COL22A1: variants seen among roughly 807,000 people sequenced by gnomAD.
The protein encoded by COL22A1 is collagen type XXII alpha 1 chain, also known as collagen alpha-1(XXII) chain.
Under a neutral mutation model 248.9 loss-of-function variants are expected in COL22A1, and 221 were observed. The observed-to-expected ratio is 0.89, with a 90% CI of 0.80 to 0.99. The LOEUF is 0.99. Among genes scored for constraint, COL22A1 ranks in the 50% least tolerant of loss-of-function variants. COL22A1 has a pLI of 0.00. For missense variants in COL22A1, 2,240 were observed against 2,179.0 expected, an observed-to-expected ratio of 1.03 and a Z score of -0.56; for synonymous variants, 891 against 793.4, an observed-to-expected ratio of 1.12 and a Z score of -2.07.
intron 7 of COL22A1, among the ~76,000 whole-genome samples, chr8:138,816,917 G>C (rs1393162924): frequency 2.6e-5 from 4 of 152,186 alleles, no homozygotes; most frequent in African/African-American, 9.7e-5. Flanking sequence ...TACCCCCATG[G>C]ACACTCTTCA....
intron 3 of COL22A1, among the ~76,000 whole-genome samples, chr8:138,868,181 T>C (rs1265280069): frequency 6.6e-6 from 1 of 152,206 alleles, no homozygotes; most frequent in Admixed American, 6.5e-5. Context: ...AAGATGATGT[T>C]ATGCAGTCAT....
intron 11 of COL22A1, among the ~76,000 whole-genome samples, chr8:138,797,777 C>T (rs1816676779): frequency 1.3e-5 from 2 of 152,132 alleles, no homozygotes. Context: ...AAGTCTCTAA[C>T]TATTGTTGAT....
chr8:138,764,926 A>C (rs1194819546), intron 16 of COL22A1, among the ~76,000 whole-genome samples: 1 of 152,252 alleles, frequency 6.6e-6, no homozygotes, highest in Non-Finnish European at 1.5e-5. Context: ...ACTGCACTCC[A>C]GCCTGGGCGA....
chr8:138,901,206 G>A (rs556645382), intron 1 of COL22A1, among the ~76,000 whole-genome samples: 1 of 151,800 alleles, frequency 6.6e-6, no homozygotes, highest in South Asian at 2.1e-4. Context: ...CTCTTAGTTG[G>A]GGGACACTTG....
intron 7 of COL22A1, among the ~76,000 whole-genome samples, chr8:138,818,904 A>G (rs1390973137): frequency 6.6e-6 from 1 of 152,224 alleles, no homozygotes; most frequent in South Asian, 2.1e-4. Context: ...AGATTAAACA[A>G]TCTAACAGAT....
At chr8:138,741,787 T>C (rs1831579407) in intron 22 of COL22A1, among the ~76,000 whole-genome samples, 1 of 152,230 alleles carries the variant, frequency 6.6e-6, no homozygotes. Context: ...TACTTAGTAA[T>C]AGTGGTTATG....
At chr8:138,827,531 T>C (rs1013266286) in intron 5 of COL22A1, among the ~76,000 whole-genome samples, 15 of 152,102 alleles carry the variant, frequency 9.9e-5, no homozygotes, top group African/African-American at 3.6e-4. Context: ...CAGAATAGAC[T>C]GGGATGTAGC....
intron 7 of COL22A1, among the ~76,000 whole-genome samples, chr8:138,813,778 G>A (rs1157171473): frequency 2.0e-5 from 3 of 152,166 alleles, no homozygotes; most frequent in Admixed American, 6.5e-5. Context: ...CCTCCGCTCC[G>A]CACACAGAGG....
chr8:138,692,463 A>G (rs868108065), intron 35 of COL22A1, among the ~76,000 whole-genome samples: 61 of 136,118 alleles, frequency 4.5e-4, no homozygotes, highest in African/African-American at 1.0e-3. Flanking sequence ...GTGTGAGTGC[A>G]TGTGTGTGTG....
chr8:138,844,691 C>T (rs1586874771), intron 3 of COL22A1, among the ~76,000 whole-genome samples: 1 of 152,210 alleles, frequency 6.6e-6, no homozygotes, highest in East Asian at 1.9e-4. Flanking sequence ...TGGCTCACGC[C>T]TGTAATCCCA....
At chr8:138,806,041 ATGG>A (rs1817628523) in intron 10 of COL22A1, among the ~76,000 whole-genome samples, 1 of 3,124 alleles carries the variant, frequency 3.2e-4, no homozygotes, top group Non-Finnish European at 7.8e-4. Context: ...TGTGTGTGTG[ATGG>A]TGTAGGTAAT....
chr8:138,862,040 A>AAAAAAAG (rs1822515820), intron 3 of COL22A1, among the ~76,000 whole-genome samples: 1 of 146,956 alleles, frequency 6.8e-6, no homozygotes, highest in African/African-American at 2.6e-5. Context: ...AAAAAAAAAA[A>AAAAAAAG]AAAAAAAGAA....
chr8:138,883,948 T>C (rs1313281157), intron 1 of COL22A1, among the ~76,000 whole-genome samples: 1 of 152,158 alleles, frequency 6.6e-6, no homozygotes. Context: ...GGGCCTGCCA[T>C]GATCTACCCA....
chr8:138,786,771 G>T (rs1186913408), intron 12 of COL22A1, among the ~76,000 whole-genome samples: 1 of 152,078 alleles, frequency 6.6e-6, no homozygotes, highest in East Asian at 1.9e-4. Flanking sequence ...GGAAGTGGTG[G>T]CAGGCACCTG....
chr8:138,819,217 A>G (rs1563805726), intron 7 of COL22A1, among the ~76,000 whole-genome samples: 1 of 152,158 alleles, frequency 6.6e-6, no homozygotes, highest in Non-Finnish European at 1.5e-5. Context: ...ATGTTTCCCA[A>G]CTTACTCATT....
chr8:138,647,995 C>A (rs1454364109), intron 46 of COL22A1, among the ~76,000 whole-genome samples: 3 of 152,310 alleles, frequency 2.0e-5, no homozygotes, highest in East Asian at 1.9e-4. Context: ...ATCTTCTGAG[C>A]TGTTTAAAAT....
intron 44 of COL22A1, among the ~76,000 whole-genome samples, chr8:138,657,678 T>C (rs1414907833): frequency 6.6e-6 from 1 of 152,204 alleles, no homozygotes; most frequent in Non-Finnish European, 1.5e-5. Flanking sequence ...CTGCCTTCTA[T>C]GAGTCAGTCA....
chr8:138,720,872 G>T, intron 26 of COL22A1, 80 bp from the exon 27 acceptor site: 2 of 1,160,076 alleles, frequency 1.7e-6, no homozygotes, highest in Non-Finnish European at 2.6e-6. Context: ...GCACAGGTTG[G>T]AAGGAAGAGA....
intron 10 of COL22A1, among the ~76,000 whole-genome samples, chr8:138,804,136 C>T (rs754034473): frequency 1.2e-4 from 18 of 152,290 alleles, no homozygotes; most frequent in Admixed American, 1.1e-3. Context: ...ACCAGGCTCT[C>T]AGTCAGTCAC....
Sources: allele counts gnomAD v4.1 joint callset (sites outside exome capture counted in the v4.1 genomes callset), GRCh38; gene constraint gnomAD v4.1.1; transcripts MANE v1.5; gene names NCBI Gene and HGNC (gene_info 2026-07-23, HGNC 2026-07-21).